Variants in PTCH2 observed in about 807,000 individuals in gnomAD.
PTCH2 encodes the protein protein patched homolog 2.
A neutral mutation model predicts 117.9 loss-of-function variants in PTCH2; 96 were observed. The ratio of observed to expected loss-of-function variants is 0.81; its 90% confidence interval spans 0.69 to 0.96. The LOEUF (loss-of-function observed/expected upper bound fraction) is 0.96, where lower values mean the gene tolerates loss of function less well. Ranked by LOEUF, PTCH2 falls within the 50% of genes least tolerant of loss-of-function variation. The pLI is 0.00. For missense variants in PTCH2, 1,379 were observed against 1,562.5 expected (o/e 0.88, Z 1.98); for synonymous variants, 615 against 660.9 (o/e 0.93, Z 1.06).
At chr1:44,842,729 G>A in intron 1 of PTCH2, 132 bp downstream of exon 1, 1 of 873,346 alleles carries the variant, frequency 1.1e-6, no homozygotes, top group Non-Finnish European at 1.8e-6. Context: ...CAACTTGCTT[G>A]CGGTGCTGGC....
Position 44,828,420 on chromosome 1 carries a change from G to T in PTCH2, c.1591-6C>A, listed in dbSNP as rs752792084. ...CAGCCAACCACTATGGCCGCCTGGG[G>T]GACGGACAGGAGGGGAATGAAGGCT... On this transcript the variant is annotated splice_polypyrimidine_tract_variant and splice_region_variant and intron_variant, in intron 12 of 21. Transcript: ENST00000372192. 5.6e-6 allele frequency: 9 copies of T among 1,614,044 alleles called. No individual in the cohort carries two copies. In the Admixed American group the frequency reaches 1.3e-4, roughly 24 times the overall value.
chr1:44,820,811 T>A, downstream of PTCH2: 1 of 664,978 alleles, frequency 1.5e-6, no homozygotes, highest in Non-Finnish European at 2.8e-6. Flanking sequence ...TATTCTGGCC[T>A]GGTGAGCTCT....
At chr1:44,828,934 C>T in intron 11 of PTCH2, 48 bp downstream of exon 11, 1 of 1,533,358 alleles carries the variant, frequency 6.5e-7, no homozygotes, top group Non-Finnish European at 8.8e-7. Context: ...AGGCTCTTAA[C>T]CAGTAAGCTG....
chr1:44,835,313 T>C (rs927336529), intron 2 of PTCH2, among the ~76,000 whole-genome samples: 1 of 152,130 alleles, frequency 6.6e-6, no homozygotes. Context: ...CACCTCAGCC[T>C]CTGAAAGTGC....
rs753948891 is a variant in PTCH2 at position 44,829,669 on chromosome 1, C to T, written c.1028G>A (p.Trp343Ter). 1 of 1,614,220 alleles carries T rather than the reference C, an allele frequency of 6.2e-7. No individual in the cohort carries two copies. The highest frequency in any genetic ancestry group is 2.2e-5 in the East Asian group (1 of 44,876). Residue 343 changes from tryptophan (W) to a stop codon, truncating the protein, a stop_gained, in exon 8 of 22, where the codon TGG (tryptophan) becomes TAG (stop). Coordinates refer to ENST00000372192, the MANE Select transcript of PTCH2 (RefSeq NM_003738.5). LOFTEE classifies it high-confidence loss of function. ...RGDYQTHDIG[W>*]SEEQASTVLQ... is the part of the protein sequence containing the mutation. ...CACTGTGCTGGCCTGCTCCTCACTC[C>T]AGCCAATGTCATGTGTCTGATAGTC...
In PTCH2 at chr1:44,829,462, G is replaced by A. The variant is rs962093308; in HGVS notation, c.1155C>T (p.Asp385=). The A allele has an allele frequency of 1.6e-5, 26 of 1,614,120 alleles. No homozygotes were observed. In the Admixed American group the frequency reaches 4.2e-4, roughly 26 times the overall value. The part of the protein sequence containing the change: ...IHAFSSTTLD[D]ILHAFSEVSA... ...TGACTTCAGAGAACGCATGCAGGATGTCATCCAGGGTGGTGGAGGAGAAGG... is the reference window on the plus strand; with the variant it reads ...TGACTTCAGAGAACGCATGCAGGATATCATCCAGGGTGGTGGAGGAGAAGG... Residue 385 remains aspartate (D), a synonymous_variant, in exon 9 of 22, where the codon GAC becomes GAT. Transcript: ENST00000372192.
chr1:44,831,846 A>G lies in PTCH2; in HGVS notation c.526-49T>C. On this transcript the variant is annotated intron_variant, in intron 4 of 21. Coordinates refer to ENST00000372192, the MANE Select transcript of PTCH2 (RefSeq NM_003738.5). The surrounding 1 kb of genome is among the most constrained non-coding windows in gnomAD (Gnocchi z 4.3). ...GTCAGTCCTGCCCCACAACCTTTGT[A>G]GGATGCCCTCTGCAATCCCCCTCCT... 1 of 1,595,178 alleles carries G rather than the reference A, an allele frequency of 6.3e-7. No homozygotes were observed. Among genetic ancestry groups the G allele is most frequent in the South Asian group, 1.1e-5 (1 of 90,684 alleles).
At chr1:44,820,019 C>G (rs542643672), downstream of PTCH2, 1 of 157,840 alleles carries the variant, frequency 6.3e-6, no homozygotes, top group Non-Finnish European at 1.4e-5. Context: ...CCGCTTCGAA[C>G]CTCGCAGGGA....
At chr1:44,842,147 G>T in intron 1 of PTCH2, 108 bp from the exon 2 acceptor site, 1 of 1,112,266 alleles carries the variant, frequency 9.0e-7, no homozygotes, top group Non-Finnish European at 1.3e-6. Context: ...TTGATTTCTG[G>T]ATGTGGGACA....
In PTCH2 at chr1:44,829,092, C is replaced by T. The variant is rs368703768; in HGVS notation, c.1372-18G>A. ...GGCAGCACCTGGAGGGGCAGAGGAG[C>T]GGGCAGCTGAGGACCCGTGAAGCCT... is the stretch of plus-strand genomic sequence containing the variant. On this transcript the variant is annotated intron_variant, in intron 10 of 21. Coordinates refer to ENST00000372192, the MANE Select transcript of PTCH2 (RefSeq NM_003738.5). The T allele has an allele frequency of 1.5e-5, 25 of 1,612,926 alleles. No individual in the cohort carries two copies. The highest frequency in any genetic ancestry group is 1.7e-4 in the Middle Eastern group (1 of 5,994).
At chr1:44,835,300 T>C (rs541658342) in intron 2 of PTCH2, among the ~76,000 whole-genome samples, 35 of 152,198 alleles carry the variant, frequency 2.3e-4, no homozygotes, top group Non-Finnish European at 5.0e-4. Context: ...CAAGTGATCC[T>C]CCCACCTCAG....
chr1:44,836,773 T>TACAAACAA (rs531275917), intron 2 of PTCH2, among the ~76,000 whole-genome samples: 2 of 151,894 alleles, frequency 1.3e-5, no homozygotes, highest in Admixed American at 6.6e-5. Flanking sequence ...ACTGCGTCTC[T>TACAAACAA]ACAAACAAAC....
chr1:44,830,783 A>G (rs1653408867), intron 6 of PTCH2, 65 bp downstream of exon 6: 1 of 1,467,998 alleles, frequency 6.8e-7, no homozygotes, highest in African/African-American at 1.4e-5. Flanking sequence ...CCCAGAACAC[A>G]GGAGTATGAG....
chr1:44,822,369 T>G lies in PTCH2; in HGVS notation c.*46A>C. 6.2e-7 allele frequency: 1 copy of G among 1,612,026 alleles called. No individual in the cohort carries two copies. The highest frequency in any genetic ancestry group is 8.5e-7 in the Non-Finnish European group (1 of 1,179,990). On this transcript the variant is annotated 3_prime_UTR_variant, in exon 22 of 22. Coordinates refer to ENST00000372192, the MANE Select transcript of PTCH2 (RefSeq NM_003738.5). The stretch of plus-strand genomic sequence containing the variant: ...TAACACCAGACCCAGTGCTTCCCAG[T>G]GACCCCACACGCCCCACACATGGTC...
Position 44,826,778 on chromosome 1 carries a change from G to A in PTCH2, c.2696-10C>T, listed in dbSNP as rs113596138. ...GGCTGAGCTGGCGGGACTGTGGAGGGGAGGGGAAGGGAGAAGAGGGAGAGG... is the reference window on the plus strand; with the variant it reads ...GGCTGAGCTGGCGGGACTGTGGAGGAGAGGGGAAGGGAGAAGAGGGAGAGG... On this transcript the variant is annotated splice_polypyrimidine_tract_variant and intron_variant, in intron 17 of 21. Coordinates refer to ENST00000372192, the MANE Select transcript of PTCH2 (RefSeq NM_003738.5). This position sits in a 1 kb window ranked among gnomAD's most constrained non-coding sequence, Gnocchi z 5.1. 1.3e-6 allele frequency: 2 copies of A among 1,599,394 alleles called. No homozygotes were observed. The highest frequency in any genetic ancestry group is 1.7e-6 in the Non-Finnish European group (2 of 1,170,874).
chr1:44,830,733 G>T, intron 6 of PTCH2, 115 bp downstream of exon 6: 1 of 1,080,734 alleles, frequency 9.3e-7, no homozygotes, highest in Non-Finnish European at 1.3e-6. Context: ...GGTAATAATG[G>T]CCAGGAAGTG....
downstream of PTCH2, among the ~76,000 whole-genome samples, chr1:44,821,269 T>C (rs1326045977): frequency 3.3e-5 from 5 of 152,222 alleles, no homozygotes; most frequent in South Asian, 4.1e-4. Flanking sequence ...TTAGTGGAGC[T>C]GTTCAACTTT....
intron 2 of PTCH2, among the ~76,000 whole-genome samples, chr1:44,833,020 A>C (rs1400348842): frequency 6.6e-6 from 1 of 152,176 alleles, no homozygotes; most frequent in African/African-American, 2.4e-5. Flanking sequence ...TCAGCTCACG[A>C]ACCCTGGCAG....
intron 19 of PTCH2, among the ~76,000 whole-genome samples, chr1:44,824,557 G>A (rs577512807): frequency 9.3e-5 from 14 of 151,120 alleles, no homozygotes; most frequent in African/African-American, 3.4e-4. Context: ...CAGTGCAGTG[G>A]TGTAATCATG....
Sources: gnomAD v4.1 joint callset for allele counts (sites outside exome capture counted in the v4.1 genomes callset) on GRCh38, gnomAD v4.1.1 for gene constraint, Gnocchi (gnomAD v3.1) non-coding constraint, MANE v1.5 for transcripts, NCBI Gene and HGNC (gene_info 2026-07-23, HGNC 2026-07-21) for gene names.